The following SMTNL2 variants were observed in gnomAD, a reference collection of about 807,000 sequenced individuals.
SMTNL2 encodes the protein smoothelin-like protein 2.
A neutral mutation model predicts 44.1 loss-of-function variants in SMTNL2; 43 were observed. The ratio of observed to expected loss-of-function variants is 0.98; its 90% CI spans 0.76 to 1.26. The LOEUF (loss-of-function observed/expected upper bound fraction) is 1.26, where lower values mean the gene tolerates loss of function less well. Among genes scored for constraint, SMTNL2 ranks in the 50% most tolerant of loss-of-function variants. The pLI is 0.00. For synonymous variants in SMTNL2, 317 were observed against 287.6 expected, an observed-to-expected ratio of 1.10 and a Z score of -1.03; for missense variants, 646 against 670.2, an observed-to-expected ratio of 0.96 and a Z score of 0.40.
At chr17:4,591,277 C>A (rs1452188091) in intron 1 of SMTNL2, among the ~76,000 whole-genome samples, 1 of 152,224 alleles carries the variant, frequency 6.6e-6, no homozygotes, top group Non-Finnish European at 1.5e-5. Context: ...TGCCTGGGAA[C>A]CTTGTAGACC....
rs1243575995 is a variant in SMTNL2 at position 4,607,546 on chromosome 17, C to A, written c.*59C>A. On this transcript the variant is annotated 3_prime_UTR_variant, in exon 8 of 8. Coordinates refer to ENST00000389313, the MANE Select transcript of SMTNL2 (RefSeq NM_001114974.2). The surrounding 1 kb of genome is among the most constrained non-coding windows in gnomAD (Gnocchi z 4.7). ...CAGGAAGAGGCCGGGGGTCCGCTTG[C>A]GATTCCCCAGCCAGGATGCCCCCAG... 11 of 1,586,628 alleles carry A rather than the reference C, an allele frequency of 6.9e-6. No homozygotes were observed. In the South Asian group the frequency reaches 1.1e-4, roughly 16 times the overall value.
rs1910345231 is a variant in SMTNL2, at chr17:4,607,852, A to G, written c.*365A>G. ...TTCGATACATCGGCTTTACAGGGTT[A>G]CAGTGATTACCAAGTGTTTTTTTTT... On this transcript the variant is annotated 3_prime_UTR_variant, in exon 8 of 8. Coordinates refer to ENST00000389313, the MANE Select transcript of SMTNL2 (RefSeq NM_001114974.2). This position sits in a 1 kb window ranked among gnomAD's most constrained non-coding sequence, Gnocchi z 4.7. 1 of 171,250 alleles carries G rather than the reference A, an allele frequency of 5.8e-6. No individual in the cohort carries two copies. The allele number at this position is 171,250 out of a possible 1,614,324, so 10.6% of individuals were successfully genotyped here.
intron 1 of SMTNL2, among the ~76,000 whole-genome samples, chr17:4,589,479 T>A (rs1412027159): frequency 6.6e-6 from 1 of 152,190 alleles, no homozygotes; most frequent in African/African-American, 2.4e-5. Flanking sequence ...GCACCCGTTC[T>A]GCTCTGCGTG....
intron 1 of SMTNL2, among the ~76,000 whole-genome samples, chr17:4,591,700 G>A (rs987328144): frequency 4.6e-5 from 7 of 152,178 alleles, no homozygotes; most frequent in Non-Finnish European, 1.0e-4. Flanking sequence ...TGTGGCCCAG[G>A]TCACATGGGT....
chr17:4,595,563 C>G lies in SMTNL2; in HGVS notation c.989+236C>G, dbSNP rs1212049496. ...GCTGTGAGGCAGGGAGCCAGGAAGG[C>G]TTGGTGAGAGCCCCTCTCTCCTCCT... is the stretch of plus-strand genomic sequence containing the variant. On this transcript the variant is annotated intron_variant, in intron 5 of 7. Transcript: ENST00000389313. The surrounding 1 kb of genome is among the most constrained non-coding windows in gnomAD (Gnocchi z 5.1). Among the ~76,000 whole-genome samples, 1 of 152,228 alleles carries G rather than the reference C, an allele frequency of 6.6e-6. No homozygotes were observed. The highest frequency in any genetic ancestry group is 3.2e-3 in the Middle Eastern group (1 of 316).
rs1909915351 is a variant in SMTNL2, at chr17:4,598,746, C to A, written c.1259+1423C>A. 1.3e-5 allele frequency among the ~76,000 whole-genome samples: 2 copies of A among 152,034 alleles called. No homozygotes were observed. The highest frequency in any genetic ancestry group is 1.3e-4 in the Admixed American group (2 of 15,268). Reference sequence around the variant, plus strand: ...GGCTGAGGCAGGAGAATTGTTAGAACCCAAGAGAAAGAGGTTGCAGTGAGC... The same window carrying A: ...GGCTGAGGCAGGAGAATTGTTAGAAACCAAGAGAAAGAGGTTGCAGTGAGC... On this transcript the variant is annotated intron_variant, in intron 7 of 7. Transcript: ENST00000389313. The surrounding 1 kb of genome is among the most constrained non-coding windows in gnomAD (Gnocchi z 4.8).
At chr17:4,584,011 T>C (rs77233461), upstream of SMTNL2, 25,500 of 152,364 alleles carry the variant, frequency 0.17, 2,291 homozygotes, top group South Asian at 0.22. Flanking sequence ...CAGCGCGTAG[T>C]CGCAGAGTCA....
At position 4,592,236 on chromosome 17, in the gene SMTNL2, G is replaced by A. The variant is rs1909601736; in HGVS notation, c.400-125G>A. On this transcript the variant is annotated intron_variant, in intron 1 of 7. Transcript: ENST00000389313. The surrounding 1 kb of genome is among the most constrained non-coding windows in gnomAD (Gnocchi z 4.5). Reference sequence around the variant, plus strand: ...CTTGGCCCGTCACTTTCTTCCTGGGGGCTGTTTTCTCTCAACATGATTGGT... The same window carrying A: ...CTTGGCCCGTCACTTTCTTCCTGGGAGCTGTTTTCTCTCAACATGATTGGT... 4 of 875,536 alleles carry A rather than the reference G, an allele frequency of 4.6e-6. No homozygotes were observed. The highest frequency in any genetic ancestry group is 1.7e-5 in the African/African-American group (1 of 59,964). The allele number at this position is 875,536 out of a possible 1,614,324, so 54.2% of individuals were successfully genotyped here.
chr17:4,584,827 C>G lies in SMTNL2; in HGVS notation c.222C>G (p.Leu74=), dbSNP rs1323654834. 5 of 1,327,304 alleles carry G rather than the reference C, an allele frequency of 3.8e-6. No individual in the cohort carries two copies. Among genetic ancestry groups the G allele is most frequent in the Middle Eastern group, 2.8e-4 (1 of 3,534 alleles). 82.2% of individuals were successfully genotyped at this position (1,327,304 alleles called of 1,614,324 possible). A position where few individuals can be genotyped will look rare whatever the true frequency, so the allele number is the denominator to read the frequency against. ...QRDNQRLQAQ[L]ERLTRQVEAL... ...ACAACCAGCGGCTGCAGGCGCAGCTCGAGCGCCTGACGCGCCAGGTGGAGG... is the reference window on the plus strand; with the variant it reads ...ACAACCAGCGGCTGCAGGCGCAGCTGGAGCGCCTGACGCGCCAGGTGGAGG... The change falls in exon 1 of 8, where the codon CTC becomes CTG. Residue 74 remains leucine, a synonymous_variant. Transcript: ENST00000389313.
intron 7 of SMTNL2, 100 bp downstream of exon 7, chr17:4,597,423 C>T (rs1017535645): frequency 2.6e-6 from 4 of 1,516,700 alleles, no homozygotes; most frequent in African/African-American, 1.4e-5. Context: ...TGTCGGGCCG[C>T]TGTCTGCAAA....
chr17:4,595,148 AC>A lies in SMTNL2; in HGVS notation c.812del (p.Pro271ArgfsTer3). ...AACTCGGCGATTCTTTCCTCAGCCC[AC>A]CGCTGGTGACACCACCCCAGTCGCC... ...VTASKHSNSPPLVTPPQSPVS... is the reference protein window; with the variant it reads ...VTASKHSNSPXLVTPPQSPVS... On this transcript the variant is annotated frameshift_variant, in exon 5 of 8. Coordinates refer to ENST00000389313, the MANE Select transcript of SMTNL2 (RefSeq NM_001114974.2). LOFTEE classifies it high-confidence loss of function. This position sits in a 1 kb window ranked among gnomAD's most constrained non-coding sequence, Gnocchi z 5.1. 1.2e-6 allele frequency: 2 copies of A among 1,613,040 alleles called. No individual in the cohort carries two copies. The highest frequency in any genetic ancestry group is 8.5e-7 in the Non-Finnish European group (1 of 1,179,970).
At chr17:4,585,573 A>T (rs1467214736) in intron 1 of SMTNL2, among the ~76,000 whole-genome samples, 1 of 152,094 alleles carries the variant, frequency 6.6e-6, no homozygotes, top group Admixed American at 6.5e-5. Context: ...GAAGGGAGAG[A>T]GGTGGAAACC....
rs1909771436 is a variant in SMTNL2, at chr17:4,595,451, A to T, written c.989+124A>T. 1 of 1,359,074 alleles carries T rather than the reference A, an allele frequency of 7.4e-7. No homozygotes were observed. The highest frequency in any genetic ancestry group is 1.5e-5 in the South Asian group (1 of 67,512). The allele number at this position is 1,359,074 out of a possible 1,614,324, so 84.2% of individuals were successfully genotyped here. ...GTTCCCCAGGGCGCTGTTGCCCAGG[A>T]CAAGATCTCTTGGGCAAGGCACAAA... On this transcript the variant is annotated intron_variant, in intron 5 of 7. Coordinates refer to ENST00000389313, the MANE Select transcript of SMTNL2 (RefSeq NM_001114974.2). This position sits in a 1 kb window ranked among gnomAD's most constrained non-coding sequence, Gnocchi z 5.1.
Position 4,584,828 on chromosome 17 carries a change from G to A in SMTNL2, c.223G>A (p.Glu75Lys), listed in dbSNP as rs1290866008. 18 of 1,327,346 alleles carry A rather than the reference G, an allele frequency of 1.4e-5. No homozygotes were observed. Among genetic ancestry groups the A allele is most frequent in the Non-Finnish European group, 1.6e-5 (17 of 1,039,794 alleles). The allele number at this position is 1,327,346 out of a possible 1,614,324, so 82.2% of individuals were successfully genotyped here. The part of the protein sequence containing the change: ...RDNQRLQAQL[E>K]RLTRQVEALG... ...CAACCAGCGGCTGCAGGCGCAGCTCGAGCGCCTGACGCGCCAGGTGGAGGC... is the reference window on the plus strand; with the variant it reads ...CAACCAGCGGCTGCAGGCGCAGCTCAAGCGCCTGACGCGCCAGGTGGAGGC... Residue 75 changes from glutamate to lysine, a missense_variant, in exon 1 of 8, where the codon GAG (glutamate) becomes AAG (lysine). Transcript: ENST00000389313.
At chr17:4,594,008 C>A in intron 4 of SMTNL2, 111 bp downstream of exon 4, 2 of 1,137,728 alleles carry the variant, frequency 1.8e-6, no homozygotes, top group South Asian at 1.3e-5. Context: ...TGGTAAGGCT[C>A]GGGGCTGGAT....
intron 7 of SMTNL2, among the ~76,000 whole-genome samples, chr17:4,605,941 G>C (rs1449231828): frequency 6.6e-6 from 1 of 152,150 alleles, no homozygotes. Flanking sequence ...GATGCGTCTT[G>C]ACTGTTGACG....
Position 4,584,787 on chromosome 17 carries a change from C to A in SMTNL2, c.182C>A (p.Ala61Asp). The A allele has an allele frequency of 7.6e-7, 1 of 1,320,208 alleles. No homozygotes were observed. The highest frequency in any genetic ancestry group is 2.0e-5 in the South Asian group (1 of 51,272). The allele number at this position is 1,320,208 out of a possible 1,614,324, so 81.8% of individuals were successfully genotyped here. The change falls in exon 1 of 8, where the codon GCC (alanine) becomes GAC (aspartate). Residue 61 changes from alanine to aspartate, a missense_variant. Ala to Asp is a moderately radical substitution (Grantham distance 126). Transcript: ENST00000389313. ...GCCGGCCCCCTGGCGCGCACGGTGGCCGACCTGCAGCGGGACAACCAGCGG... is the reference window on the plus strand; with the variant it reads ...GCCGGCCCCCTGGCGCGCACGGTGGACGACCTGCAGCGGGACAACCAGCGG... ...RLAGPLARTVADLQRDNQRLQ... is the reference protein window; with the variant it reads ...RLAGPLARTVDDLQRDNQRLQ...
Position 4,607,603 on chromosome 17 carries a change from T to C in SMTNL2, c.*116T>C. ...TGCCGTTTGGTGTGAGCGCGCTGTT[T>C]GTTCTGTGGCATGTGACGGCACTCC... On this transcript the variant is annotated 3_prime_UTR_variant, in exon 8 of 8. Transcript: ENST00000389313. The surrounding 1 kb of genome is among the most constrained non-coding windows in gnomAD (Gnocchi z 4.7). The C allele has an allele frequency of 5.4e-6, 8 of 1,488,636 alleles. No homozygotes were observed. The highest frequency in any genetic ancestry group is 7.2e-6 in the Non-Finnish European group (8 of 1,108,226). 92.2% of individuals were successfully genotyped at this position (1,488,636 alleles called of 1,614,324 possible). A position where few individuals can be genotyped will look rare whatever the true frequency, so the allele number is the denominator to read the frequency against.
chr17:4,591,669 A>G (rs998577704), intron 1 of SMTNL2, among the ~76,000 whole-genome samples: 1 of 152,198 alleles, frequency 6.6e-6, no homozygotes, highest in Non-Finnish European at 1.5e-5. Flanking sequence ...AAACAGGGAA[A>G]CAGACCCAGA....
Sources: gnomAD v4.1 joint callset for allele counts (sites outside exome capture counted in the v4.1 genomes callset) on GRCh38, gnomAD v4.1.1 for gene constraint, Gnocchi (gnomAD v3.1) non-coding constraint, MANE v1.5 for transcripts, NCBI Gene and HGNC (gene_info 2026-07-23, HGNC 2026-07-21) for gene names.